The following GFRAL variants were observed in gnomAD, a reference collection of about 807,000 sequenced individuals.
GFRAL encodes the protein GDNF family receptor alpha-like.
Under a neutral mutation model 45.4 loss-of-function variants are expected in GFRAL, and 36 were observed. That is an observed-to-expected ratio of 0.79 (90% CI 0.61 to 1.05). The LOEUF is 1.05. Ranked by LOEUF, GFRAL falls within the 50% of genes least tolerant of loss-of-function variation. The probability of loss-of-function intolerance (pLI) is 0.00; values close to 1 mark genes in which losing one functional copy is unlikely to be tolerated. For missense variants in GFRAL, 507 were observed against 467.5 expected, an observed-to-expected ratio of 1.08 and a Z score of -0.78; for synonymous variants, 166 against 154.1, an observed-to-expected ratio of 1.08 and a Z score of -0.57.
chr6:55,363,707 G>A (rs1039192593), intron 6 of GFRAL, among the ~76,000 whole-genome samples: 6 of 150,038 alleles, frequency 4.0e-5, no homozygotes, highest in South Asian at 2.1e-4. Flanking sequence ...TTGTTCTTGC[G>A]ATAGTTTACT....
chr6:55,393,787 T>G (rs190360818), intron 6 of GFRAL, among the ~76,000 whole-genome samples: 59 of 152,260 alleles, frequency 3.9e-4, no homozygotes, highest in Admixed American at 3.1e-3. Context: ...TGATAGAGGC[T>G]TTAGGATTTC....
Position 55,351,464 on chromosome 6 carries a change from T to C in GFRAL, c.582T>C (p.Ser194=). 6.2e-7 allele frequency: 1 copy of C among 1,613,646 alleles called. No homozygotes were observed. The highest frequency in any genetic ancestry group is 8.5e-7 in the Non-Finnish European group (1 of 1,179,708). Residue 194 remains serine, a synonymous_variant, in exon 5 of 9, where the codon TCT becomes TCC. Coordinates refer to ENST00000340465, the MANE Select transcript of GFRAL (RefSeq NM_207410.2). ...TGGCTTTTTGTGACTGTGCTCAATC[T>C]GATATACCTTGTCAGCAGTCCAAAG... The part of the protein sequence containing the change: ...QMLAFCDCAQ[S]DIPCQQSKEA...
chr6:55,328,919 G>A (rs954050715), intron 1 of GFRAL, among the ~76,000 whole-genome samples: 1 of 151,952 alleles, frequency 6.6e-6, no homozygotes. Flanking sequence ...TTATAATGAG[G>A]AAAATGTCTG....
chr6:55,337,878 G>A (rs879855276), intron 3 of GFRAL, among the ~76,000 whole-genome samples: 12 of 151,988 alleles, frequency 7.9e-5, no homozygotes, highest in South Asian at 6.2e-4. Flanking sequence ...TGATTTTAAT[G>A]TGTTCTCCAT....
chr6:55,369,287 C>T (rs1270520178), intron 6 of GFRAL, among the ~76,000 whole-genome samples: 6 of 152,304 alleles, frequency 3.9e-5, no homozygotes, highest in Admixed American at 1.3e-4. Flanking sequence ...GGCAATGCCT[C>T]GCCCTGCTTC....
At chr6:55,397,205 A>G (rs11754591) in intron 6 of GFRAL, among the ~76,000 whole-genome samples, 5,948 of 151,224 alleles carry the variant, frequency 0.039, 200 homozygotes, top group African/African-American at 0.069. Flanking sequence ...CAATATGCAA[A>G]TTGGAGACTA....
intron 6 of GFRAL, among the ~76,000 whole-genome samples, chr6:55,362,947 AGGAGAGGAGGAGGAGAAG>A (rs1768297298): frequency 6.7e-6 from 1 of 148,940 alleles, no homozygotes; most frequent in South Asian, 2.2e-4. Flanking sequence ...GAGGAGAGAA[AGGAGAGGAGGAGGAGAAG>A]GGGGAGGAGG....
At chr6:55,347,015 A>T (rs1768052732) in intron 3 of GFRAL, among the ~76,000 whole-genome samples, 1 of 152,146 alleles carries the variant, frequency 6.6e-6, no homozygotes, top group Non-Finnish European at 1.5e-5. Context: ...AAAACAGTAT[A>T]AATGAGCAGA....
chr6:55,345,791 C>T (rs1348947508), intron 3 of GFRAL, among the ~76,000 whole-genome samples: 1 of 152,088 alleles, frequency 6.6e-6, no homozygotes, highest in Non-Finnish European at 1.5e-5. Context: ...TTGCAATCTA[C>T]CCATCTGACA....
chr6:55,397,524 CAAAAAAAAAAAAAA>C (rs70986715), intron 6 of GFRAL, among the ~76,000 whole-genome samples: 1 of 67,416 alleles, frequency 1.5e-5, no homozygotes, highest in Admixed American at 2.1e-4. Context: ...GACTCCGTCT[CAAAAAAAAAAAAAA>C]AAAAAAAAAA....
chr6:55,396,543 C>T (rs114280855), intron 6 of GFRAL, among the ~76,000 whole-genome samples: 6,517 of 151,792 alleles, frequency 0.043, 197 homozygotes, highest in African/African-American at 0.073. Context: ...GCCATGAATC[C>T]AGCTACAGCT....
chr6:55,360,773 A>C (rs1043105057), intron 6 of GFRAL, among the ~76,000 whole-genome samples: 1 of 151,974 alleles, frequency 6.6e-6, no homozygotes, highest in African/African-American at 2.4e-5. Flanking sequence ...GGAAAATACC[A>C]AATAACCAAT....
chr6:55,339,174 C>G (rs138790474), intron 3 of GFRAL, among the ~76,000 whole-genome samples: 2 of 152,022 alleles, frequency 1.3e-5, no homozygotes, highest in Non-Finnish European at 2.9e-5. Context: ...ATGTATTAAG[C>G]GTAATCTCCA....
Position 55,327,531 on chromosome 6 carries a change from G to A in GFRAL, c.-24G>A, listed in dbSNP as rs1446661076. On this transcript the variant is annotated 5_prime_UTR_variant, in exon 1 of 9. It adds an upstream start codon to the 5' untranslated region. Transcript: ENST00000340465. ...GAAACGCATCTGCCTTTTTTTCCAG[G>A]TGAACTGCCGTGAGTTGTCCAGCAT... 1.9e-6 allele frequency: 3 copies of A among 1,611,120 alleles called. No homozygotes were observed. Among genetic ancestry groups the A allele is most frequent in the Non-Finnish European group, 2.5e-6 (3 of 1,178,540 alleles).
At chr6:55,385,438 T>G (rs62419124) in intron 6 of GFRAL, among the ~76,000 whole-genome samples, 28,312 of 152,110 alleles carry the variant, frequency 0.19, 3,433 homozygotes, top group Non-Finnish European at 0.28. Flanking sequence ...TGTCAGACAT[T>G]GTTCTATTCA....
At chr6:55,346,569 C>A (rs1768045012) in intron 3 of GFRAL, among the ~76,000 whole-genome samples, 1 of 151,850 alleles carries the variant, frequency 6.6e-6, no homozygotes, top group Non-Finnish European at 1.5e-5. Flanking sequence ...GGAGGGATAG[C>A]ATTAGGAGAT....
chr6:55,328,884 T>C (rs1767797502), intron 1 of GFRAL, among the ~76,000 whole-genome samples: 1 of 152,028 alleles, frequency 6.6e-6, no homozygotes, highest in Non-Finnish European at 1.5e-5. Context: ...TTTAGAATGC[T>C]TGTTTGACAT....
At chr6:55,380,694 T>C (rs530228897) in intron 6 of GFRAL, among the ~76,000 whole-genome samples, 1 of 151,984 alleles carries the variant, frequency 6.6e-6, no homozygotes, top group South Asian at 2.1e-4. Flanking sequence ...ACCATGCAGC[T>C]CCCAAGGTGG....
At chr6:55,336,389 T>C (rs114731791) in intron 3 of GFRAL, among the ~76,000 whole-genome samples, 1,986 of 152,334 alleles carry the variant, frequency 0.013, 23 homozygotes, top group Non-Finnish European at 0.022. Flanking sequence ...ATATATTTCT[T>C]CATTTATTTA....
Sources: gnomAD v4.1 joint callset for allele counts (sites outside exome capture counted in the v4.1 genomes callset) on GRCh38, gnomAD v4.1.1 for gene constraint, MANE v1.5 for transcripts, NCBI Gene and HGNC (gene_info 2026-07-23, HGNC 2026-07-21) for gene names.